SHANK2: variants seen among roughly 807,000 people sequenced by gnomAD.
The protein encoded by SHANK2 is SH3 and multiple ankyrin repeat domains protein 2.
In SHANK2, 43 loss-of-function variants were observed where a neutral mutation model predicts 133.7. The ratio of observed to expected loss-of-function variants is 0.32; its 90% CI spans 0.25 to 0.41. The LOEUF (loss-of-function observed/expected upper bound fraction) is 0.41. Ranked by LOEUF, SHANK2 falls within the 10% of genes least tolerant of loss-of-function variation. The probability of loss-of-function intolerance (pLI) is 1.00; values close to 1 mark genes in which losing one functional copy is unlikely to be tolerated. For missense variants in SHANK2, 1,994 were observed against 2,235.8 expected (o/e 0.89, Z 2.18); for synonymous variants, 1,017 against 952.8 (o/e 1.07, Z -1.24).
Position 71,118,823 on chromosome 11 carries a change from A to G in SHANK2, c.411+6T>C. The G allele has an allele frequency of 7.1e-6, 11 of 1,542,060 alleles. No individual in the cohort carries two copies. Among genetic ancestry groups the G allele is most frequent in the Non-Finnish European group, 9.6e-6 (11 of 1,141,908 alleles). ...CACAGTCCATGCACTGTGGGCTGAA[A>G]TATACCTCCAGGGAAGGAACGCCCT... On this transcript the variant is annotated splice_donor_region_variant and intron_variant, in intron 4 of 25. Coordinates refer to ENST00000601538, the MANE Select transcript of SHANK2 (RefSeq NM_012309.5).
At chr11:70,686,447 T>A (rs1283384514) in intron 15 of SHANK2, among the ~76,000 whole-genome samples, 7 of 151,792 alleles carry the variant, frequency 4.6e-5, no homozygotes, top group African/African-American at 1.5e-4. Flanking sequence ...TATCTACCCA[T>A]CCACACACCC....
intron 17 of SHANK2, among the ~76,000 whole-genome samples, chr11:70,509,531 T>C (rs981697633): frequency 3.0e-4 from 45 of 152,320 alleles, no homozygotes; most frequent in Non-Finnish European, 5.7e-4. Flanking sequence ...GTCTTCAGCA[T>C]TGGTGTAGCC....
intron 12 of SHANK2, among the ~76,000 whole-genome samples, chr11:70,817,747 T>C (rs1466426782): frequency 6.6e-6 from 1 of 152,174 alleles, no homozygotes; most frequent in African/African-American, 2.4e-5. Context: ...TCTGGGACCC[T>C]TTTTTGAGAT....
chr11:71,168,109 G>A (rs1555111495), intron 2 of SHANK2, among the ~76,000 whole-genome samples: 2 of 141,006 alleles, frequency 1.4e-5, no homozygotes, highest in East Asian at 2.0e-4. Context: ...CTTCTCAGAC[G>A]GGGCGGTTGC....
chr11:71,064,660 G>T (rs1187598224), intron 9 of SHANK2, among the ~76,000 whole-genome samples: 2 of 152,052 alleles, frequency 1.3e-5, no homozygotes, highest in African/African-American at 4.8e-5. Context: ...GAGAAGGGTG[G>T]TGGGGACAAG....
chr11:70,740,056 AGC>A (rs1946488429), intron 14 of SHANK2, among the ~76,000 whole-genome samples: 3 of 151,776 alleles, frequency 2.0e-5, no homozygotes, highest in Non-Finnish European at 1.5e-5. Context: ...CTCCGTCCAC[AGC>A]ACCTAGGACA....
intron 14 of SHANK2, among the ~76,000 whole-genome samples, chr11:70,772,099 C>T (rs1457339377): frequency 1.3e-5 from 2 of 152,104 alleles, no homozygotes; most frequent in Admixed American, 6.5e-5. Flanking sequence ...GACAGCAGAA[C>T]ATTACACAAG....
At chr11:71,198,394 G>T (rs1013262716) in intron 2 of SHANK2, among the ~76,000 whole-genome samples, 2 of 152,144 alleles carry the variant, frequency 1.3e-5, no homozygotes, top group Non-Finnish European at 2.9e-5. Flanking sequence ...AAACAATCTC[G>T]TTCTCCCAGC....
chr11:70,927,824 GC>G (rs1950449656), intron 10 of SHANK2, among the ~76,000 whole-genome samples: 1 of 152,120 alleles, frequency 6.6e-6, no homozygotes, highest in Non-Finnish European at 1.5e-5. Context: ...AAGTGGGTGG[GC>G]CCCATCCAAT....
intron 10 of SHANK2, among the ~76,000 whole-genome samples, chr11:70,906,028 AT>A (rs1355388387): frequency 6.6e-6 from 1 of 151,878 alleles, no homozygotes; most frequent in Non-Finnish European, 1.5e-5. Flanking sequence ...GGCCAGGCTG[AT>A]CTCAAACTCC....
intron 11 of SHANK2, among the ~76,000 whole-genome samples, chr11:70,834,352 GC>G (rs1240624562): frequency 6.6e-6 from 1 of 152,200 alleles, no homozygotes; most frequent in Non-Finnish European, 1.5e-5. Context: ...CAGACTGAAG[GC>G]CCATGGGGAG....
intron 10 of SHANK2, among the ~76,000 whole-genome samples, chr11:70,927,592 C>T (rs139843206): frequency 2.2e-4 from 34 of 152,194 alleles, no homozygotes; most frequent in Admixed American, 3.9e-4. Flanking sequence ...CAGGCAAGAT[C>T]TTAAGGAGAT....
At chr11:70,545,279 G>A (rs189767797) in intron 17 of SHANK2, among the ~76,000 whole-genome samples, 8 of 152,316 alleles carry the variant, frequency 5.3e-5, no homozygotes, top group South Asian at 4.1e-4. Context: ...TGCCAGTCTC[G>A]TCTTCCTGAC....
chr11:70,952,888 C>A, intron 10 of SHANK2: 1 of 287,938 alleles, frequency 3.5e-6, no homozygotes, highest in Non-Finnish European at 7.7e-6. Flanking sequence ...GTCCTGTAAG[C>A]CAGTGTCCAA....
intron 10 of SHANK2, among the ~76,000 whole-genome samples, chr11:70,904,670 G>A (rs1179177681): frequency 6.6e-6 from 1 of 152,028 alleles, no homozygotes; most frequent in Admixed American, 6.5e-5. Flanking sequence ...ACCACACCTG[G>A]CTAATTTTTC....
chr11:71,064,639 C>CA (rs1951026050), intron 9 of SHANK2, among the ~76,000 whole-genome samples: 1 of 151,110 alleles, frequency 6.6e-6, no homozygotes. Context: ...AGCAGGGCCC[C>CA]AGGCAAGGGT....
chr11:70,747,630 C>T (rs1472624682), intron 14 of SHANK2, among the ~76,000 whole-genome samples: 1 of 152,228 alleles, frequency 6.6e-6, no homozygotes, highest in Non-Finnish European at 1.5e-5. Context: ...GGCCCTCCCT[C>T]CATATCCCCA....
intron 8 of SHANK2, among the ~76,000 whole-genome samples, chr11:71,081,498 G>T (rs891255685): frequency 5.9e-5 from 9 of 152,134 alleles, no homozygotes; most frequent in African/African-American, 1.9e-4. Flanking sequence ...TTGGAAAGAT[G>T]AGGTCTCTTA....
chr11:70,747,350 T>C (rs550803145), intron 14 of SHANK2, among the ~76,000 whole-genome samples: 7 of 152,248 alleles, frequency 4.6e-5, no homozygotes, highest in Admixed American at 4.6e-4. Flanking sequence ...AGTTACCAGC[T>C]GGCTACCCGG....
Sources: allele counts gnomAD v4.1 joint callset (sites outside exome capture counted in the v4.1 genomes callset), GRCh38; gene constraint gnomAD v4.1.1; transcripts MANE v1.5; gene names NCBI Gene and HGNC (gene_info 2026-07-23, HGNC 2026-07-21).